GORAB: variants seen among roughly 807,000 people sequenced by gnomAD.
The protein encoded by GORAB is RAB6-interacting golgin.
Under a neutral mutation model 29.9 loss-of-function variants are expected in GORAB, and 17 were observed. The observed-to-expected ratio is 0.57, with a 90% CI of 0.39 to 0.85. The LOEUF (loss-of-function observed/expected upper bound fraction) is 0.85, where lower values mean the gene tolerates loss of function less well. Ranked by LOEUF, GORAB falls within the 40% of genes least tolerant of loss-of-function variation. The pLI, the probability that GORAB is intolerant of heterozygous loss-of-function variation, is 0.00. For synonymous variants in GORAB, 183 were observed against 157.2 expected, an observed-to-expected ratio of 1.16 and a Z score of -1.23; for missense variants, 442 against 437.8, an observed-to-expected ratio of 1.01 and a Z score of -0.09.
chr1:170,551,239 C>T (rs879395710), intron 4 of GORAB, among the ~76,000 whole-genome samples: 8 of 152,154 alleles, frequency 5.3e-5, no homozygotes, highest in Non-Finnish European at 1.2e-4. Flanking sequence ...GCCAGTGATG[C>T]TGTTTAGCAT....
chr1:170,543,184 T>A (rs1036969897), intron 3 of GORAB, among the ~76,000 whole-genome samples: 2 of 152,188 alleles, frequency 1.3e-5, no homozygotes, highest in African/African-American at 4.8e-5. Context: ...CCCTTCACAT[T>A]TACTGCATTG....
chr1:170,536,881 A>AT (rs1277810539), intron 1 of GORAB, among the ~76,000 whole-genome samples: 1 of 152,228 alleles, frequency 6.6e-6, no homozygotes, highest in Non-Finnish European at 1.5e-5. Flanking sequence ...TGTAGATGCA[A>AT]TATGACTATT....
At position 170,542,493 on chromosome 1, in the gene GORAB, A is replaced by G; in HGVS notation, c.422A>G (p.Gln141Arg). 1 of 1,611,780 alleles carries G rather than the reference A, an allele frequency of 6.2e-7. No homozygotes were observed. The part of the protein sequence containing the change: ...CKLEKKKVEL[Q>R]EKSRWEVLQQ... ...TTTATGCTTTTTTTGCCCCCTAGGCAAGAAAAATCTCGTTGGGAAGTCCTC... is the reference window on the plus strand; with the variant it reads ...TTTATGCTTTTTTTGCCCCCTAGGCGAGAAAAATCTCGTTGGGAAGTCCTC... Residue 141 changes from glutamine (Q) to arginine (R), a missense_variant and splice_region_variant, in exon 3 of 5, where the codon CAA becomes CGA. Coordinates refer to ENST00000367763, the MANE Select transcript of GORAB (RefSeq NM_152281.3).
At chr1:170,540,912 G>A (rs1463623066) in intron 2 of GORAB, among the ~76,000 whole-genome samples, 2 of 152,088 alleles carry the variant, frequency 1.3e-5, no homozygotes, top group South Asian at 2.1e-4. Context: ...TTAAAGAAAT[G>A]AGGAAGGAGG....
chr1:170,542,601 C>A lies in GORAB; in HGVS notation c.521+9C>A. On this transcript the variant is annotated intron_variant, in intron 3 of 4. Coordinates refer to ENST00000367763, the MANE Select transcript of GORAB (RefSeq NM_152281.3). ...AAAGCTATTGCAGAAAGGTGAGGCA[C>A]CTGAACCAGGAGAGGCTGTTTGTAA... 6.3e-7 allele frequency: 1 copy of A among 1,579,586 alleles called. No individual in the cohort carries two copies. Among genetic ancestry groups the A allele is most frequent in the Non-Finnish European group, 8.7e-7 (1 of 1,148,712 alleles).
chr1:170,545,012 A>T (rs1372270268), intron 4 of GORAB, 167 bp downstream of exon 4: 4 of 1,357,954 alleles, frequency 2.9e-6, no homozygotes, highest in Non-Finnish European at 3.8e-6. Context: ...CTCTTCAGTG[A>T]AGTCTTCCTT....
rs1650201744 is a variant in GORAB, at chr1:170,552,645, A to C, written c.*183A>C. 3.0e-6 allele frequency: 2 copies of C among 662,512 alleles called. No individual in the cohort carries two copies. The highest frequency in any genetic ancestry group is 3.0e-5 in the East Asian group (1 of 33,326). 41.0% of individuals were successfully genotyped at this position (662,512 alleles called of 1,614,324 possible). ...CCAAAATTATGATAACTGTATTTCT[A>C]GGGGTATGTTTCACCTTGATTTTGG... On this transcript the variant is annotated 3_prime_UTR_variant, in exon 5 of 5. Transcript: ENST00000367763.
chr1:170,539,842 C>A (rs1040302301), intron 2 of GORAB, among the ~76,000 whole-genome samples: 1 of 152,034 alleles, frequency 6.6e-6, no homozygotes, highest in Non-Finnish European at 1.5e-5. Flanking sequence ...ATCTGGGACT[C>A]AGAAAAGATG....
intron 3 of GORAB, 61 bp downstream of exon 3, chr1:170,542,653 TA>T: frequency 9.1e-7 from 1 of 1,093,898 alleles, no homozygotes; most frequent in Admixed American, 1.7e-5. Flanking sequence ...TCATGTGTTA[TA>T]TTTGTTTTCC....
At chr1:170,541,829 T>C (rs1205453799) in intron 2 of GORAB, among the ~76,000 whole-genome samples, 1 of 152,034 alleles carries the variant, frequency 6.6e-6, no homozygotes, top group African/African-American at 2.4e-5. Context: ...ATGTCCAAGT[T>C]GGGCTGGGCA....
At chr1:170,532,731 TA>T (rs779182845) in intron 1 of GORAB, 18 of 185,218 alleles carry the variant, frequency 9.7e-5, no homozygotes, top group Non-Finnish European at 2.0e-4. Context: ...GGCGTCTGAA[TA>T]AAGGCAAAAA....
At position 170,537,471 on chromosome 1, in the gene GORAB, A is replaced by G. The variant is rs945494085; in HGVS notation, c.62-1739A>G. Among the ~76,000 whole-genome samples, 5 of 152,220 alleles carry G rather than the reference A, an allele frequency of 3.3e-5. No individual in the cohort carries two copies. In the East Asian group the frequency reaches 7.7e-4, roughly 23 times the overall value. ...TGTTAGCCTTTAGTTGGCACTTGGC[A>G]TTAATGAAAAATAAACCTTTGTGGT... On this transcript the variant is annotated intron_variant, in intron 1 of 4. Coordinates refer to ENST00000367763, the MANE Select transcript of GORAB (RefSeq NM_152281.3).
intron 4 of GORAB, chr1:170,545,696 G>A (rs1183255627): frequency 1.0e-6 from 1 of 984,952 alleles, no homozygotes; most frequent in African/African-American, 1.7e-5. Flanking sequence ...CATTAGGCCA[G>A]GGTAAACCAC....
chr1:170,532,380 AC>A lies in GORAB; in HGVS notation c.61+97del, dbSNP rs112197426. On this transcript the variant is annotated intron_variant, in intron 1 of 4. Coordinates refer to ENST00000367763, the MANE Select transcript of GORAB (RefSeq NM_152281.3). ...GGGGAAAGGGGGCGTGGAAGCGGCT[AC>A]GTTTGTGTTAGCGGAAGGCGCTGTA... The A allele has an allele frequency of 0.13, 172,365 of 1,360,278 alleles. 12,861 individuals carry two copies. The highest frequency in any genetic ancestry group is 0.29 in the South Asian group (24,735 of 85,680). The allele number at this position is 1,360,278 out of a possible 1,614,324, so 84.3% of individuals were successfully genotyped here.
Position 170,552,259 on chromosome 1 carries a change from C to T in GORAB, c.907C>T (p.Pro303Ser). The part of the protein sequence containing the change: ...LHEQEVESRR[P>S]VVRLERPFQP... ...CGAACAAGAAGTAGAATCAAGGAGA[C>T]CAGTGGTTCGTTTAGAGAGGCCATT... The change falls in exon 5 of 5, where the codon CCA becomes TCA. Residue 303 changes from proline (P) to serine (S), a missense_variant. By Grantham distance (74) the Pro-to-Ser change is moderately conservative (BLOSUM62 -1). Coordinates refer to ENST00000367763, the MANE Select transcript of GORAB (RefSeq NM_152281.3). 1 of 1,614,026 alleles carries T rather than the reference C, an allele frequency of 6.2e-7. No individual in the cohort carries two copies. Among genetic ancestry groups the T allele is most frequent in the Non-Finnish European group, 8.5e-7 (1 of 1,179,960 alleles).
rs558221809 is a variant in GORAB at position 170,542,170 on chromosome 1, T to C, written c.420-321T>C. Among the ~76,000 whole-genome samples, 6 of 152,330 alleles carry C rather than the reference T, an allele frequency of 3.9e-5. No homozygotes were observed. The South Asian group carries it at 1.0e-3, about 26-fold the overall frequency. On this transcript the variant is annotated intron_variant, in intron 2 of 4. Transcript: ENST00000367763. ...TTCTGCATATAATACATAATTAACT[T>C]ACACAAATTTCTTTGTACTCCTAAA...
chr1:170,541,821 G>A (rs1385674275), intron 2 of GORAB, among the ~76,000 whole-genome samples: 1 of 151,964 alleles, frequency 6.6e-6, no homozygotes, highest in Non-Finnish European at 1.5e-5. Context: ...GTTTAAAAAT[G>A]TCCAAGTTGG....
At chr1:170,542,444 T>C in intron 2 of GORAB, 47 bp from the exon 3 acceptor site, 2 of 1,172,432 alleles carry the variant, frequency 1.7e-6, no homozygotes, top group Non-Finnish European at 2.6e-6. Context: ...GGGTAGCAGT[T>C]TCTTTTTCTT....
intron 3 of GORAB, among the ~76,000 whole-genome samples, chr1:170,543,732 A>G (rs187324692): frequency 1.2e-4 from 19 of 152,198 alleles, no homozygotes; most frequent in Non-Finnish European, 2.5e-4. Flanking sequence ...TGGTTTTACA[A>G]AAAGATGTAC....
Sources: allele counts gnomAD v4.1 joint callset (sites outside exome capture counted in the v4.1 genomes callset), GRCh38; gene constraint gnomAD v4.1.1; transcripts MANE v1.5; gene names NCBI Gene and HGNC (gene_info 2026-07-23, HGNC 2026-07-21).